The following CNTN5 variants were observed in gnomAD, a reference collection of about 807,000 sequenced individuals.
CNTN5 encodes the protein contactin-5.
CNTN5 carries 77 observed loss-of-function variants against 129.1 expected under a neutral mutation model. That is an observed-to-expected ratio of 0.60 (90% CI 0.50 to 0.72). The LOEUF is 0.72. CNTN5 is among the 30% of genes least tolerant of loss of function. The pLI, the probability that CNTN5 is intolerant of heterozygous loss-of-function variation, is 0.00. For missense variants in CNTN5, 1,478 were observed against 1,328.8 expected, an observed-to-expected ratio of 1.11 and a Z score of -1.75; for synonymous variants, 509 against 465.6, an observed-to-expected ratio of 1.09 and a Z score of -1.20.
chr11:99,922,528 T>G (rs1443924321), intron 7 of CNTN5, among the ~76,000 whole-genome samples: 2 of 152,210 alleles, frequency 1.3e-5, no homozygotes, highest in Non-Finnish European at 2.9e-5. Flanking sequence ...CTAGAAATCT[T>G]AGACCCAAGT....
chr11:99,505,264 A>T (rs1438849346), intron 2 of CNTN5, among the ~76,000 whole-genome samples: 2 of 152,220 alleles, frequency 1.3e-5, no homozygotes, highest in African/African-American at 4.8e-5. Flanking sequence ...ATTTTAAAAA[A>T]AGACATGCTG....
intron 7 of CNTN5, among the ~76,000 whole-genome samples, chr11:99,927,889 A>G (rs1262214242): frequency 2.0e-5 from 3 of 152,152 alleles, no homozygotes; most frequent in Non-Finnish European, 1.5e-5. Context: ...CAAAAGTCCA[A>G]GTCAAGTCTT....
At chr11:99,975,313 C>T (rs573324256) in intron 8 of CNTN5, among the ~76,000 whole-genome samples, 5 of 152,098 alleles carry the variant, frequency 3.3e-5, no homozygotes, top group East Asian at 1.9e-4. Context: ...CTGCCTGGCT[C>T]GTTTTCGGAC....
At chr11:100,168,316 C>T (rs548858838) in intron 13 of CNTN5, among the ~76,000 whole-genome samples, 7 of 152,032 alleles carry the variant, frequency 4.6e-5, no homozygotes, top group South Asian at 2.1e-4. Context: ...ATGCCGTCTA[C>T]GACTTCCAAA....
rs867548715 is a variant in CNTN5 at position 99,679,250 on chromosome 11, T to G, written c.55+122981T>G. The stretch of plus-strand genomic sequence containing the variant: ...GTACATAGTAAGAATATATGTTCCT[T>G]AAAAAGGGTGAAATTAAAACTAGAG... On this transcript the variant is annotated intron_variant, in intron 3 of 24. Coordinates refer to ENST00000524871, the MANE Select transcript of CNTN5 (RefSeq NM_014361.4). Among the ~76,000 whole-genome samples, 36 of 150,148 alleles carry G rather than the reference T, an allele frequency of 2.4e-4. 1 individual carries two copies. Among genetic ancestry groups the G allele is most frequent in the African/African-American group, 7.3e-4 (30 of 41,168 alleles).
chr11:100,068,206 T>G (rs2137848073), intron 10 of CNTN5, among the ~76,000 whole-genome samples: 1 of 152,258 alleles, frequency 6.6e-6, no homozygotes, highest in South Asian at 2.1e-4. Flanking sequence ...TCTCACTGTC[T>G]AGCTGAGTGT....
intron 9 of CNTN5, among the ~76,000 whole-genome samples, chr11:100,054,435 C>T (rs7946600): frequency 0.31 from 47,332 of 151,680 alleles, 7,753 homozygotes; most frequent in East Asian, 0.47. Context: ...GAGCTCATGT[C>T]TTTCTTCTAA....
chr11:100,050,428 G>C (rs986631469), intron 9 of CNTN5, among the ~76,000 whole-genome samples: 1 of 150,572 alleles, frequency 6.6e-6, no homozygotes, highest in African/African-American at 2.4e-5. Context: ...TGAACAATGA[G>C]AACACATGGA....
chr11:99,695,979 T>C (rs770469972), intron 3 of CNTN5, among the ~76,000 whole-genome samples: 5 of 152,156 alleles, frequency 3.3e-5, no homozygotes, highest in Non-Finnish European at 7.4e-5. Context: ...AAGCACCATA[T>C]AGATGTTTAC....
At chr11:99,780,724 C>G (rs1043983121) in intron 3 of CNTN5, among the ~76,000 whole-genome samples, 2 of 152,036 alleles carry the variant, frequency 1.3e-5, no homozygotes, top group African/African-American at 2.4e-5. Flanking sequence ...ACCTTCAAAT[C>G]TAGAGTAAAA....
intron 1 of CNTN5, among the ~76,000 whole-genome samples, chr11:99,041,226 C>T (rs1863973005): frequency 6.6e-6 from 1 of 152,104 alleles, no homozygotes; most frequent in African/African-American, 2.4e-5. Context: ...CAAACACTTT[C>T]TTTCCACATC....
At chr11:99,491,240 AG>A (rs1455685765) in intron 2 of CNTN5, among the ~76,000 whole-genome samples, 1 of 152,154 alleles carries the variant, frequency 6.6e-6, no homozygotes, top group African/African-American at 2.4e-5. Context: ...CAGGCCAGGC[AG>A]GGTAGTGCTA....
intron 2 of CNTN5, among the ~76,000 whole-genome samples, chr11:99,468,107 G>A (rs1178246805): frequency 2.6e-5 from 4 of 152,110 alleles, no homozygotes; most frequent in Non-Finnish European, 4.4e-5. Flanking sequence ...GAATCCAGCT[G>A]TAGATACATA....
At chr11:99,712,198 G>A (rs539204929) in intron 3 of CNTN5, among the ~76,000 whole-genome samples, 4 of 152,208 alleles carry the variant, frequency 2.6e-5, no homozygotes, top group African/African-American at 9.6e-5. Flanking sequence ...GTATCTCATT[G>A]TGGTTTTCAT....
chr11:100,310,940 G>C (rs188066682), intron 21 of CNTN5, among the ~76,000 whole-genome samples: 17 of 152,028 alleles, frequency 1.1e-4, no homozygotes, highest in South Asian at 1.0e-3. Flanking sequence ...ACAAGGAACA[G>C]GTTTCTGGGG....
chr11:99,027,231 CT>C (rs1198439811), intron 1 of CNTN5, among the ~76,000 whole-genome samples: 2 of 151,408 alleles, frequency 1.3e-5, no homozygotes, highest in African/African-American at 4.8e-5. Flanking sequence ...CCCTATAATA[CT>C]TCTTAATTTT....
chr11:99,795,190 C>G (rs1365181850), intron 3 of CNTN5, among the ~76,000 whole-genome samples: 1 of 152,124 alleles, frequency 6.6e-6, no homozygotes, highest in African/African-American at 2.4e-5. Context: ...CTGAGAGATT[C>G]TGCCCTCAGT....
At chr11:99,484,837 C>T (rs1945746767) in intron 2 of CNTN5, among the ~76,000 whole-genome samples, 1 of 152,040 alleles carries the variant, frequency 6.6e-6, no homozygotes, top group African/African-American at 2.4e-5. Context: ...AGCAAAAACA[C>T]ATACAAACAA....
intron 9 of CNTN5, among the ~76,000 whole-genome samples, chr11:100,011,741 A>T (rs940072602): frequency 2.0e-5 from 3 of 151,968 alleles, no homozygotes; most frequent in Non-Finnish European, 4.4e-5. Flanking sequence ...TTCTCTTTTT[A>T]TATGTTTACT....
Sources: allele counts gnomAD v4.1 joint callset (sites outside exome capture counted in the v4.1 genomes callset), GRCh38; gene constraint gnomAD v4.1.1; transcripts MANE v1.5; gene names NCBI Gene and HGNC (gene_info 2026-07-23, HGNC 2026-07-21).